The following MRC2 variants were observed in gnomAD, a reference collection of about 807,000 sequenced individuals.
MRC2 encodes the protein C-type mannose receptor 2.
In MRC2, 84 loss-of-function variants were observed where a neutral mutation model predicts 206.2. The ratio of observed to expected loss-of-function variants is 0.41; its 90% CI spans 0.34 to 0.49. MRC2 has a LOEUF of 0.49. MRC2 is among the 20% of genes least tolerant of loss of function. MRC2 has a pLI of 0.31. For synonymous variants in MRC2, 798 were observed against 800.0 expected, an observed-to-expected ratio of 1.00 and a Z score of 0.04; for missense variants, 1,676 against 2,001.5, an observed-to-expected ratio of 0.84 and a Z score of 3.10.
At chr17:62,656,229 T>C (rs560987676) in intron 1 of MRC2, among the ~76,000 whole-genome samples, 19 of 152,256 alleles carry the variant, frequency 1.2e-4, no homozygotes, top group South Asian at 2.1e-4. Flanking sequence ...GTACTTTTAG[T>C]AGAGATGGAG....
At position 62,680,914 on chromosome 17, in the gene MRC2, T is replaced by C; in HGVS notation, c.2588T>C (p.Val863Ala). The C allele has an allele frequency of 6.2e-7, 1 of 1,613,214 alleles. No individual in the cohort carries two copies. The highest frequency in any genetic ancestry group is 8.5e-7 in the Non-Finnish European group (1 of 1,179,956). The change falls in exon 17 of 30, where the codon GTG becomes GCG. Residue 863 changes from valine to alanine, a missense_variant. By Grantham distance (64) the Val-to-Ala change is moderately conservative. This residue lies in a region of MRC2 where 1,354 missense variants were observed against 1,636.6 expected (regional missense o/e 0.83). Transcript: ENST00000303375. The surrounding 1 kb of genome is among the most constrained non-coding windows in gnomAD (Gnocchi z 4.8). ...TGGTTCCAGGCCGAGCTGACCTCGG[T>C]GCACAGCCAGGCGGAGCTAGACTTC... ...CTWFQAELTS[V>A]HSQAELDFLS... is the part of the protein sequence containing the mutation.
intron 1 of MRC2, among the ~76,000 whole-genome samples, chr17:62,653,555 G>A (rs1486486108): frequency 1.3e-5 from 2 of 152,190 alleles, no homozygotes; most frequent in African/African-American, 4.8e-5. Flanking sequence ...GCAGCACAGA[G>A]ATTTGAAGTG....
rs777321349 is a variant in MRC2 at position 62,680,824 on chromosome 17, A to G, written c.2498A>G (p.Gln833Arg). The stretch of plus-strand genomic sequence containing the variant: ...GGCCGACGGGAATGGCTGCGCTTCC[A>G]GGAGGCCGAGTACAAGTTCTTTGAG... ...PQGRREWLRF[Q>R]EAEYKFFEHH... Residue 833 changes from glutamine to arginine, a missense_variant, in exon 17 of 30, where the codon CAG becomes CGG. Gln to Arg is a conservative substitution (Grantham distance 43). Around this residue, in one of 3 missense-constraint regions of MRC2, gnomAD observed 1,354 missense variants for 1,636.6 expected, o/e 0.83. Coordinates refer to ENST00000303375, the MANE Select transcript of MRC2 (RefSeq NM_006039.5). This position sits in a 1 kb window ranked among gnomAD's most constrained non-coding sequence, Gnocchi z 4.8. 1.9e-6 allele frequency: 3 copies of G among 1,612,106 alleles called. No individual in the cohort carries two copies. Among genetic ancestry groups the G allele is most frequent in the South Asian group, 2.2e-5 (2 of 90,950 alleles).
Position 62,667,527 on chromosome 17 carries a change from C to G in MRC2, c.1111C>G (p.Pro371Ala), listed in dbSNP as rs779029414. The G allele has an allele frequency of 3.1e-6, 5 of 1,608,884 alleles. No homozygotes were observed. Among genetic ancestry groups the G allele is most frequent in the Non-Finnish European group, 4.2e-6 (5 of 1,178,630 alleles). ...GCCCAACGCCACGGCCGAGCCCACC[C>G]CTCCAGGTGAGCCAGGGACTGTGCC... ...KKPNATAEPT[P>A]PDRWANVKVE... is the part of the protein sequence containing the mutation. The change falls in exon 6 of 30, where the codon CCT becomes GCT. Residue 371 changes from proline to alanine, a missense_variant. Transcript: ENST00000303375. This position sits in a 1 kb window ranked among gnomAD's most constrained non-coding sequence, Gnocchi z 4.1.
chr17:62,658,532 C>T (rs1178746411), intron 1 of MRC2, among the ~76,000 whole-genome samples: 2 of 152,206 alleles, frequency 1.3e-5, no homozygotes, highest in African/African-American at 2.4e-5. Context: ...TGGCCTGACC[C>T]TGGGAAAAGC....
At chr17:62,640,017 CTTTTTTTTTT>C (rs56703312) in intron 1 of MRC2, among the ~76,000 whole-genome samples, 1 of 74,350 alleles carries the variant, frequency 1.3e-5, no homozygotes, top group Non-Finnish European at 2.4e-5. Flanking sequence ...CCATGCCCAG[CTTTTTTTTTT>C]TTTTTTTTTT....
chr17:62,665,003 G>A, intron 2 of MRC2, 54 bp downstream of exon 2: 1 of 1,529,336 alleles, frequency 6.5e-7, no homozygotes, highest in Non-Finnish European at 8.8e-7. Flanking sequence ...CAGGGGACTG[G>A]AGCCATGAGG....
rs376525312 is a variant in MRC2, at chr17:62,680,483, C to T, written c.2473+30C>T. On this transcript the variant is annotated intron_variant, in intron 16 of 29. Transcript: ENST00000303375. The surrounding 1 kb of genome is among the most constrained non-coding windows in gnomAD (Gnocchi z 4.8). ...GCACCCCCCAGCCCATCCCGCTACC[C>T]ATCGCGTGGGAGAGGGCGTCAACTC... 4 of 1,613,402 alleles carry T rather than the reference C, an allele frequency of 2.5e-6. No homozygotes were observed. The highest frequency in any genetic ancestry group is 2.2e-5 in the East Asian group (1 of 44,890).
At chr17:62,663,784 A>T (rs2088708585) in intron 1 of MRC2, among the ~76,000 whole-genome samples, 4 of 152,058 alleles carry the variant, frequency 2.6e-5, no homozygotes, top group Admixed American at 2.6e-4. Context: ...GGGCAGGGGG[A>T]AGGGTGAGAC....
chr17:62,687,221 C>T (rs539230462), intron 20 of MRC2, among the ~76,000 whole-genome samples: 52 of 152,190 alleles, frequency 3.4e-4, no homozygotes, highest in African/African-American at 9.4e-4. Flanking sequence ...AGTGTAATGG[C>T]GTGATCTCAG....
rs755771987 is a variant in MRC2, at chr17:62,666,627, G to A, written c.859+8G>A. 2.0e-5 allele frequency: 32 copies of A among 1,562,062 alleles called. No individual in the cohort carries two copies. The highest frequency in any genetic ancestry group is 2.8e-5 in the Non-Finnish European group (32 of 1,153,320). ...AGCAGACCTACATCAACGGTGAGCC[G>A]GGGCCTGATGCCTGCTCGTGCCTCT... On this transcript the variant is annotated splice_region_variant and intron_variant, in intron 4 of 29. Transcript: ENST00000303375. This position sits in a 1 kb window ranked among gnomAD's most constrained non-coding sequence, Gnocchi z 5.0.
Position 62,680,739 on chromosome 17 carries a change from C to A in MRC2, c.2474-61C>A. The A allele has an allele frequency of 7.0e-7, 1 of 1,433,442 alleles. No individual in the cohort carries two copies. Among genetic ancestry groups the A allele is most frequent in the East Asian group, 2.7e-5 (1 of 37,164 alleles). 88.8% of individuals were successfully genotyped at this position (1,433,442 alleles called of 1,614,324 possible). On this transcript the variant is annotated intron_variant, in intron 16 of 29. Transcript: ENST00000303375. The surrounding 1 kb of genome is among the most constrained non-coding windows in gnomAD (Gnocchi z 4.8). ...TGCCCCGGCCCTGCCGCGCCCGCCT[C>A]CGGGGCCTGGCGTGCAGCCTCTGCC...
chr17:62,692,337 C>G lies in MRC2; in HGVS notation c.4326C>G (p.Ile1442Met). 6.3e-7 allele frequency: 1 copy of G among 1,576,938 alleles called. No individual in the cohort carries two copies. ...TCCTTTACCGGAGGCGCCAGAGCATCGAGCGCGGGGCCTTTGAGGGTGCCC... is the reference window on the plus strand; with the variant it reads ...TCCTTTACCGGAGGCGCCAGAGCATGGAGCGCGGGGCCTTTGAGGGTGCCC... ...ALILYRRRQS[I>M]ERGAFEGARY... Residue 1442 changes from isoleucine to methionine, a missense_variant, in exon 30 of 30, where the codon ATC becomes ATG. Physicochemically the swap from Ile to Met is conservative, Grantham distance 10 (BLOSUM62 1). This residue lies in a region of MRC2 where 1,354 missense variants were observed against 1,636.6 expected (regional missense o/e 0.83). Coordinates refer to ENST00000303375, the MANE Select transcript of MRC2 (RefSeq NM_006039.5). This position sits in a 1 kb window ranked among gnomAD's most constrained non-coding sequence, Gnocchi z 4.2.
intron 1 of MRC2, among the ~76,000 whole-genome samples, chr17:62,629,503 G>T (rs1254339331): frequency 6.6e-6 from 1 of 152,172 alleles, no homozygotes. Flanking sequence ...TCCCCTTCCC[G>T]TTGGCACTGC....
chr17:62,663,369 A>T (rs1022686237), intron 1 of MRC2, among the ~76,000 whole-genome samples: 2 of 152,062 alleles, frequency 1.3e-5, no homozygotes, highest in African/African-American at 4.8e-5. Flanking sequence ...TTTAAAACAT[A>T]TATTTAATTG....
Position 62,690,216 on chromosome 17 carries a change from C to G in MRC2, c.3803C>G (p.Ser1268Cys). The change falls in exon 26 of 30, where the codon TCC becomes TGC. Residue 1268 changes from serine to cysteine, a missense_variant. Ser to Cys is a moderately radical substitution (Grantham distance 112). Coordinates refer to ENST00000303375, the MANE Select transcript of MRC2 (RefSeq NM_006039.5). The part of the protein sequence containing the change: ...HGSCPQGLAD[S>C]AWIPFREHCY... Reference sequence around the variant, plus strand: ...AGCTGTCCCCAGGGACTGGCAGACTCCGCGTGGATTCCCTTCCGGGAGCAC... The same window carrying G: ...AGCTGTCCCCAGGGACTGGCAGACTGCGCGTGGATTCCCTTCCGGGAGCAC... 1 of 1,613,200 alleles carries G rather than the reference C, an allele frequency of 6.2e-7. No homozygotes were observed. The highest frequency in any genetic ancestry group is 8.5e-7 in the Non-Finnish European group (1 of 1,179,488).
In MRC2 at chr17:62,689,527, T is replaced by G; in HGVS notation, c.3340T>G (p.Ser1114Ala). 6.4e-7 allele frequency: 1 copy of G among 1,568,390 alleles called. No homozygotes were observed. Among genetic ancestry groups the G allele is most frequent in the South Asian group, 1.2e-5 (1 of 83,772 alleles). ...CCCTGACCCCTTCCCTGTAGACCCC[T>G]CCCTGAGCCCGTCCCCAGCAGCGCT... is the stretch of plus-strand genomic sequence containing the variant. Reference protein sequence around the residue: ...GFICQKGTDPSLSPSPAALPP... With the variant: ...GFICQKGTDPALSPSPAALPP... Residue 1114 changes from serine (S) to alanine (A), a missense_variant, in exon 24 of 30, where the codon TCC becomes GCC. Ser to Ala is a moderately conservative substitution (Grantham distance 99). Coordinates refer to ENST00000303375, the MANE Select transcript of MRC2 (RefSeq NM_006039.5).
intron 1 of MRC2, among the ~76,000 whole-genome samples, chr17:62,638,509 G>A (rs1479546642): frequency 6.6e-6 from 1 of 152,128 alleles, no homozygotes; most frequent in Non-Finnish European, 1.5e-5. Context: ...GGAGGCCAAG[G>A]TGGGCGGATC....
intron 23 of MRC2, 47 bp downstream of exon 23, chr17:62,689,007 C>G (rs538964501): frequency 5.5e-6 from 8 of 1,467,176 alleles, no homozygotes; most frequent in Non-Finnish European, 7.6e-6. Context: ...GCCCTGGCAC[C>G]GGGCTGGATG....
Sources: allele counts gnomAD v4.1 joint callset (sites outside exome capture counted in the v4.1 genomes callset), GRCh38; gene constraint gnomAD v4.1.1; regional missense constraint gnomAD v4.1.1; non-coding constraint Gnocchi (gnomAD v3.1); transcripts MANE v1.5; gene names NCBI Gene and HGNC (gene_info 2026-07-23, HGNC 2026-07-21).